The following FOXO3B variants were observed in gnomAD, a reference collection of about 807,000 sequenced individuals.
The protein encoded by FOXO3B is forkhead box O3B.
A neutral mutation model predicts 21.9 loss-of-function variants in FOXO3B; 15 were observed. That is an observed-to-expected ratio of 0.68 (90% CI 0.46 to 1.05). FOXO3B has a LOEUF of 1.05. FOXO3B is among the 50% of genes least tolerant of loss of function. The pLI, the probability that FOXO3B is intolerant of heterozygous loss-of-function variation, is 0.00. For missense variants in FOXO3B, 293 were observed against 435.5 expected, an observed-to-expected ratio of 0.67 and a Z score of 2.91; for synonymous variants, 135 against 213.6, an observed-to-expected ratio of 0.63 and a Z score of 3.21.
Position 18,672,040 on chromosome 17 carries a change from G to A in FOXO3B, c.*269C>T, listed in dbSNP as rs1356070272. 10 of 1,611,330 alleles carry A rather than the reference G, an allele frequency of 6.2e-6. No individual in the cohort carries two copies. The highest frequency in any genetic ancestry group is 1.1e-5 in the South Asian group (1 of 90,774). On this transcript the variant is annotated 3_prime_UTR_variant, in exon 4 of 4. Coordinates refer to ENST00000395675, the MANE Select transcript of FOXO3B (RefSeq NM_001368135.1). This position sits in a 1 kb window ranked among gnomAD's most constrained non-coding sequence, Gnocchi z 4.2. ...ATCCAGCTCATCACTGCTGCGTGACGTGGGGCTGCCAGACCACTTGGAGAG... is the reference window on the plus strand; with the variant it reads ...ATCCAGCTCATCACTGCTGCGTGACATGGGGCTGCCAGACCACTTGGAGAG...
intron 3 of FOXO3B, chr17:18,677,683 A>C: frequency 1.9e-6 from 3 of 1,605,446 alleles, no homozygotes; most frequent in Non-Finnish European, 2.5e-6. Flanking sequence ...ATGGCCAAGA[A>C]GCATGCTGGC....
At chr17:18,679,766 A>G (rs908984749) in intron 3 of FOXO3B, among the ~76,000 whole-genome samples, 1 of 151,572 alleles carries the variant, frequency 6.6e-6, no homozygotes, top group African/African-American at 2.4e-5. Context: ...TTTTAATAAA[A>G]GTTTCAAACA....
At chr17:18,679,452 C>CTTCTTT (rs1205551688) in intron 3 of FOXO3B, among the ~76,000 whole-genome samples, 32 of 127,372 alleles carry the variant, frequency 2.5e-4, no homozygotes, top group Admixed American at 3.1e-4. Flanking sequence ...TCCTCCTCAA[C>CTTCTTT]TTTTTTTTTT....
rs575159203 is a variant in FOXO3B, at chr17:18,677,348, G to A, written c.126+3393C>T. On this transcript the variant is annotated intron_variant, in intron 3 of 3. Coordinates refer to ENST00000395675, the MANE Select transcript of FOXO3B (RefSeq NM_001368135.1). Reference sequence around the variant, plus strand: ...ACTTCCTGACCAAGATCTTCCACCCGAACTTGGGCGCCAATGGCGAGATGT... The same window carrying A: ...ACTTCCTGACCAAGATCTTCCACCCAAACTTGGGCGCCAATGGCGAGATGT... The A allele has an allele frequency of 1.6e-4, 266 of 1,613,290 alleles. 3 individuals are homozygous for A. The Admixed American group carries it at 3.8e-3, about 23-fold the overall frequency.
At chr17:18,673,680 T>C (rs1314492263) in intron 3 of FOXO3B, among the ~76,000 whole-genome samples, 1 of 151,864 alleles carries the variant, frequency 6.6e-6, no homozygotes, top group East Asian at 1.9e-4. Flanking sequence ...GGATTTTGTC[T>C]GTTACCGTGA....
chr17:18,682,117 A>ACT (rs2032598046), intron 1 of FOXO3B, 87 bp downstream of exon 1: 1 of 634,134 alleles, frequency 1.6e-6, no homozygotes. Context: ...ACAAACGCGC[A>ACT]CTCTAGCCCC....
chr17:18,682,100 C>T, intron 1 of FOXO3B, 104 bp downstream of exon 1: 1 of 634,178 alleles, frequency 1.6e-6, no homozygotes, highest in Non-Finnish European at 2.9e-6. Context: ...CCCTCGAGGC[C>T]CCTTTAACAA....
At chr17:18,674,445 G>GA (rs1346533186) in intron 3 of FOXO3B, among the ~76,000 whole-genome samples, 2 of 148,158 alleles carry the variant, frequency 1.3e-5, no homozygotes, top group African/African-American at 2.5e-5. Flanking sequence ...CTAACACGGT[G>GA]AAACCCCATC....
Position 18,674,875 on chromosome 17 carries a change from G to A in FOXO3B, c.127-1820C>T, listed in dbSNP as rs117957521. Among the ~76,000 whole-genome samples, 635 of 152,246 alleles carry A rather than the reference G, an allele frequency of 4.2e-3. 4 individuals carry two copies. Among genetic ancestry groups the A allele is most frequent in the Middle Eastern group, 0.017 (5 of 294 alleles). ...GCAGAGACACCATGTCCCACAAAGC[G>A]TAATTATTTACTGTCTAGCCATTTA... On this transcript the variant is annotated intron_variant, in intron 3 of 3. Coordinates refer to ENST00000395675, the MANE Select transcript of FOXO3B (RefSeq NM_001368135.1).
chr17:18,676,842 AG>A (rs1252919986), intron 3 of FOXO3B, among the ~76,000 whole-genome samples: 1 of 152,110 alleles, frequency 6.6e-6, no homozygotes, highest in Admixed American at 6.6e-5. Flanking sequence ...CTAGGATTAC[AG>A]GTGCCTGTCA....
Position 18,671,419 on chromosome 17 carries a change from G to T in FOXO3B, c.*890C>A, listed in dbSNP as rs560028903. 1 of 1,593,508 alleles carries T rather than the reference G, an allele frequency of 6.3e-7. No individual in the cohort carries two copies. The highest frequency in any genetic ancestry group is 1.3e-5 in the African/African-American group (1 of 74,278). On this transcript the variant is annotated 3_prime_UTR_variant, in exon 4 of 4. Transcript: ENST00000395675. ...AGCATCACGTTCCGGCGGGAATTCT[G>T]GGCAGACACAGCGGTGCTGGCCTGA...
chr17:18,678,648 A>C (rs77910890), intron 3 of FOXO3B, among the ~76,000 whole-genome samples: 22,210 of 150,106 alleles, frequency 0.15, 1,819 homozygotes, highest in African/African-American at 0.21. Context: ...GAGTTTTAAA[A>C]ATTTTCCATA....
chr17:18,676,769 C>A (rs891705533), intron 3 of FOXO3B, among the ~76,000 whole-genome samples: 3 of 151,456 alleles, frequency 2.0e-5, no homozygotes, highest in African/African-American at 7.3e-5. Context: ...GGCATGATCT[C>A]GGCTCACTGC....
intron 3 of FOXO3B, chr17:18,677,372 G>A (rs73981349): frequency 1.9e-6 from 3 of 1,605,114 alleles, no homozygotes; most frequent in East Asian, 2.2e-5. Context: ...ATGGCGAGAT[G>A]TGCGTCAACG....
rs897123260 is a variant in FOXO3B at position 18,672,209 on chromosome 17, C to A, written c.*100G>T. 4 of 1,613,610 alleles carry A rather than the reference C, an allele frequency of 2.5e-6. No homozygotes were observed. In the African/African-American group the frequency reaches 4.0e-5, roughly 16 times the overall value. ...CGGGGGGCTTTTCCGCTCTTCCCCC[C>A]ATCAGGGTTGATGATCCACCAAGAG... On this transcript the variant is annotated 3_prime_UTR_variant, in exon 4 of 4. Transcript: ENST00000395675. The surrounding 1 kb of genome is among the most constrained non-coding windows in gnomAD (Gnocchi z 4.2).
At chr17:18,682,044 A>G (rs554756003) in intron 1 of FOXO3B, 160 bp downstream of exon 1, 1 of 600,278 alleles carries the variant, frequency 1.7e-6, no homozygotes, top group African/African-American at 1.8e-5. Context: ...GCGTCCCCCG[A>G]GGAGAGGATC....
intron 3 of FOXO3B, chr17:18,677,478 A>C: frequency 1.2e-6 from 2 of 1,614,170 alleles, no homozygotes; most frequent in East Asian, 2.2e-5. Context: ...GTCTGCACTC[A>C]ACGAGGAGGC....
Position 18,672,222 on chromosome 17 carries a change from G to T in FOXO3B, c.*87C>A. The T allele has an allele frequency of 6.2e-7, 1 of 1,613,576 alleles. No homozygotes were observed. The highest frequency in any genetic ancestry group is 1.7e-5 in the Admixed American group (1 of 60,010). ...CGCTCTTCCCCCCATCAGGGTTGAT[G>T]ATCCACCAAGAGCTCTTGCCAGTTC... On this transcript the variant is annotated 3_prime_UTR_variant, in exon 4 of 4. Transcript: ENST00000395675. This position sits in a 1 kb window ranked among gnomAD's most constrained non-coding sequence, Gnocchi z 4.2.
In FOXO3B at chr17:18,672,731, C is replaced by T; in HGVS notation, c.451G>A (p.Asp151Asn). The T allele has an allele frequency of 2.0e-6, 3 of 1,526,652 alleles. No individual in the cohort carries two copies. Among genetic ancestry groups the T allele is most frequent in the Non-Finnish European group, 1.8e-6 (2 of 1,135,146 alleles). The allele number at this position is 1,526,652 out of a possible 1,614,324, so 94.6% of individuals were successfully genotyped here. A position where few individuals can be genotyped will look rare whatever the true frequency, so the allele number is the denominator to read the frequency against. Residue 151 changes from aspartate (D) to asparagine (N), a missense_variant, in exon 4 of 4, where the codon GAC (aspartate) becomes AAC (asparagine). By Grantham distance (23) the Asp-to-Asn change is conservative. Around this residue, in one of 2 missense-constraint regions of FOXO3B, gnomAD observed 251 missense variants for 404.0 expected, o/e 0.62. Coordinates refer to ENST00000395675, the MANE Select transcript of FOXO3B (RefSeq NM_001368135.1). This position sits in a 1 kb window ranked among gnomAD's most constrained non-coding sequence, Gnocchi z 4.2. ...MIPEEEDDED[D>N]EDGGGRAGSA... ...CCGGCCCGTCCCCCGCCGTCCTCGT[C>T]GTCTTCATCGTCCTCCTCCTCGGGG...
Sources: allele counts gnomAD v4.1 joint callset (sites outside exome capture counted in the v4.1 genomes callset), GRCh38; gene constraint gnomAD v4.1.1; regional missense constraint gnomAD v4.1.1; non-coding constraint Gnocchi (gnomAD v3.1); transcripts MANE v1.5; gene names NCBI Gene and HGNC (gene_info 2026-07-23, HGNC 2026-07-21).